The following KMT2D variants were observed in gnomAD, a reference collection of about 807,000 sequenced individuals.
KMT2D encodes the protein lysine methyltransferase 2D.
KMT2D carries 55 observed loss-of-function variants against 512.7 expected under a neutral mutation model. That is an observed-to-expected ratio of 0.11 (90% CI 0.09 to 0.13). The LOEUF (loss-of-function observed/expected upper bound fraction) is 0.13, where lower values mean the gene tolerates loss of function less well. Ranked by LOEUF, KMT2D falls within the 10% of genes least tolerant of loss-of-function variation. The pLI is 1.00. For missense variants in KMT2D, 6,061 were observed against 7,127.9 expected (o/e 0.85, Z 5.39); for synonymous variants, 2,995 against 2,904.0 (o/e 1.03, Z -1.01).
rs2120660268 is a variant in KMT2D at position 49,050,941 on chromosome 12, C to A, written c.2742G>T (p.Glu914Asp). 1 of 1,542,282 alleles carries A rather than the reference C, an allele frequency of 6.5e-7. No individual in the cohort carries two copies. The highest frequency in any genetic ancestry group is 8.7e-7 in the Non-Finnish European group (1 of 1,144,548). Residue 914 changes from glutamate to aspartate, a missense_variant, in exon 11 of 55, where the codon GAG (glutamate) becomes GAT (aspartate). Coordinates refer to ENST00000301067, the MANE Select transcript of KMT2D (RefSeq NM_003482.4). ...GCTCCCCAGATGGGGACAACGGCAGCTCCTCGGGCAGAGGGGACAGAGGTG... is the reference window on the plus strand; with the variant it reads ...GCTCCCCAGATGGGGACAACGGCAGATCCTCGGGCAGAGGGGACAGAGGTG... ...GEPPLSPLPEELPLSPSGEPS... is the reference protein window; with the variant it reads ...GEPPLSPLPEDLPLSPSGEPS...
rs1270732675 is a variant in KMT2D at position 49,051,375 on chromosome 12, G to A, written c.2308C>T (p.Leu770=). The A allele has an allele frequency of 6.2e-7, 1 of 1,608,236 alleles. No homozygotes were observed. Among genetic ancestry groups the A allele is most frequent in the Non-Finnish European group, 8.5e-7 (1 of 1,178,262 alleles). Residue 770 remains leucine (L), a synonymous_variant, in exon 11 of 55, where the codon CTG becomes TTG. Transcript: ENST00000301067. ...CATGGCTCCTCAGGCTGGGGGGACA[G>A]GTGTGGCTCCTCAGCCTGCGGAGAT... ...HLSPQAEEPH[L]SPQPEEPCLC...
rs575126048 is a variant in KMT2D at position 49,030,315 on chromosome 12, G to A, written c.13964C>T (p.Ala4655Val). 1.7e-5 allele frequency: 27 copies of A among 1,603,444 alleles called. No homozygotes were observed. In the South Asian group the frequency reaches 2.9e-4, roughly 17 times the overall value. ...CCTTTCACTATCCCGGGCAGAGGCA[G>A]CATCCTTGGGGTGCTCCCCCAGCTC... Reference protein sequence around the residue: ...SEELGEHPKDAASARDSERAL... With the variant: ...SEELGEHPKDVASARDSERAL... Residue 4655 changes from alanine (A) to valine (V), a missense_variant, in exon 43 of 55, where the codon GCT becomes GTT. By Grantham distance (64) the Ala-to-Val change is moderately conservative. Coordinates refer to ENST00000301067, the MANE Select transcript of KMT2D (RefSeq NM_003482.4).
intron 7 of KMT2D, 62 bp downstream of exon 7, chr12:49,053,414 C>T (rs2120695766): frequency 1.9e-6 from 3 of 1,608,962 alleles, no homozygotes; most frequent in Non-Finnish European, 2.6e-6. Flanking sequence ...CTCCGACTGC[C>T]CTCATTTTCA....
rs370628102 is a variant in KMT2D at position 49,029,026 on chromosome 12, A to G, written c.14251+35T>C. On this transcript the variant is annotated intron_variant, in intron 45 of 54. Coordinates refer to ENST00000301067, the MANE Select transcript of KMT2D (RefSeq NM_003482.4). ...CCCCCAGCTTCGGACAACCCAGGTGAACTGGGCCTGGCCCACATCCAGAGT... is the reference window on the plus strand; with the variant it reads ...CCCCCAGCTTCGGACAACCCAGGTGGACTGGGCCTGGCCCACATCCAGAGT... The G allele has an allele frequency of 3.1e-4, 498 of 1,605,462 alleles. 1 individual carries two copies. The highest frequency in any genetic ancestry group is 2.1e-4 in the Non-Finnish European group (242 of 1,174,964).
rs377128722 is a variant in KMT2D, at chr12:49,031,812, G to A, written c.12893C>T (p.Thr4298Ile). The A allele has an allele frequency of 7.6e-6, 12 of 1,580,466 alleles. No homozygotes were observed. The African/African-American group carries it at 8.1e-5, about 11-fold the overall frequency. Residue 4298 changes from threonine to isoleucine, a missense_variant, in exon 40 of 55, where the codon ACA becomes ATA. Thr to Ile is a moderately conservative substitution (Grantham distance 89, BLOSUM62 -1). Transcript: ENST00000301067. ...ATGGACAGGGCCAAGGACTGGTCCT[G>A]TAGATAAGGCTCCTGGTGGGGCAGG... is the stretch of plus-strand genomic sequence containing the variant. ...RLPAPPGALS[T>I]GPVLGPVHPT...
Position 49,042,227 on chromosome 12 carries a change from C to T in KMT2D, c.5971G>A (p.Gly1991Ser). The T allele has an allele frequency of 1.3e-6, 2 of 1,596,622 alleles. No individual in the cohort carries two copies. Among genetic ancestry groups the T allele is most frequent in the East Asian group, 4.5e-5 (2 of 44,066 alleles). Residue 1991 changes from glycine (G) to serine (S), a missense_variant, in exon 29 of 55, where the codon GGT becomes AGT. Coordinates refer to ENST00000301067, the MANE Select transcript of KMT2D (RefSeq NM_003482.4). The surrounding 1 kb of genome is among the most constrained non-coding windows in gnomAD (Gnocchi z 4.4). Reference sequence around the variant, plus strand: ...TTATAGGAGAGTCCGTCGCCCTCACCCTCCGTGGTGGGGGTTGTGGGGGTG... The same window carrying T: ...TTATAGGAGAGTCCGTCGCCCTCACTCTCCGTGGTGGGGGTTGTGGGGGTG... ...PSTPTTPTTE[G>S]EGDGLSYNQR...
In KMT2D at chr12:49,045,537, A is replaced by G. The variant is rs560933729; in HGVS notation, c.4741+383T>C. ...CGGGCACCTGTAGTCCCAGCTACTC[A>G]GGAGGCTGAGGCAGGAGAATGGCGT... On this transcript the variant is annotated intron_variant, in intron 19 of 54. Coordinates refer to ENST00000301067, the MANE Select transcript of KMT2D (RefSeq NM_003482.4). 4.6e-5 allele frequency among the ~76,000 whole-genome samples: 7 copies of G among 151,636 alleles called. No homozygotes were observed. In the South Asian group the frequency reaches 1.5e-3, roughly 32 times the overall value.
In KMT2D at chr12:49,044,992, C is replaced by A. The variant is rs2120590792; in HGVS notation, c.4742-27G>T. The A allele has an allele frequency of 6.3e-6, 10 of 1,592,764 alleles. No homozygotes were observed. Among genetic ancestry groups the A allele is most frequent in the South Asian group, 1.1e-5 (1 of 90,668 alleles). ...TGCATAAGAGGAAAGAGTATGTGAT[C>A]CCTGGATGGAAGCCCCAGGGAAACC... On this transcript the variant is annotated intron_variant, in intron 19 of 54. Coordinates refer to ENST00000301067, the MANE Select transcript of KMT2D (RefSeq NM_003482.4). This position sits in a 1 kb window ranked among gnomAD's most constrained non-coding sequence, Gnocchi z 6.4.
At position 49,032,447 on chromosome 12, in the gene KMT2D, G is replaced by GGGCTGA; in HGVS notation, c.12252_12257dup (p.Gln4085_Pro4086dup). The GGGCTGA allele has an allele frequency of 6.4e-7, 1 of 1,572,418 alleles. No individual in the cohort carries two copies. The highest frequency in any genetic ancestry group is 8.6e-7 in the Non-Finnish European group (1 of 1,158,634). On this transcript the variant is annotated inframe_insertion, in exon 40 of 55. Transcript: ENST00000301067. ...GAGGTGGCTGCAGCTGCAGAGAGCT[G>GGGCTGA]GGCTGAGGCTGGGGCTGGGGTTGGA... is the stretch of plus-strand genomic sequence containing the variant.
Position 49,039,431 on chromosome 12 carries a change from C to A in KMT2D, c.8229+4G>T. The A allele has an allele frequency of 6.3e-7, 1 of 1,599,654 alleles. No homozygotes were observed. The highest frequency in any genetic ancestry group is 8.5e-7 in the Non-Finnish European group (1 of 1,171,742). On this transcript the variant is annotated splice_donor_region_variant and intron_variant, in intron 33 of 54. Transcript: ENST00000301067. The surrounding 1 kb of genome is among the most constrained non-coding windows in gnomAD (Gnocchi z 5.0). ...GCCCCACTATCCCTTGCCACTCTAC[C>A]TACCTGTGTCCCAGCAAAGGGGGTC...
At position 49,031,871 on chromosome 12, in the gene KMT2D, C is replaced by G. The variant is rs1209208972; in HGVS notation, c.12834G>C (p.Gly4278=). ...GPQTGPLQEL[G]AGPRPQGPPR... ...GTGGGCCCTGAGGTCGAGGCCCTGC[C>G]CCTAGCTCCTGGAGGGGGCCTGTCT... Residue 4278 remains glycine (G), a synonymous_variant, in exon 40 of 55, where the codon GGG becomes GGC. Transcript: ENST00000301067. 2.6e-6 allele frequency: 4 copies of G among 1,535,420 alleles called. No individual in the cohort carries two copies. The highest frequency in any genetic ancestry group is 4.2e-5 in the Admixed American group (2 of 47,880).
In KMT2D at chr12:49,044,971, TA is replaced by T; in HGVS notation, c.4742-7del. 1 of 1,611,546 alleles carries T rather than the reference TA, an allele frequency of 6.2e-7. No homozygotes were observed. ...GAAGCGAAAGTACTGGGGCTCTGCA[TA>T]AGAGGAAAGAGTATGTGATCCCTGG... On this transcript the variant is annotated splice_region_variant and splice_polypyrimidine_tract_variant and intron_variant, in intron 19 of 54. Transcript: ENST00000301067. This position sits in a 1 kb window ranked among gnomAD's most constrained non-coding sequence, Gnocchi z 6.4.
rs1942748034 is a variant in KMT2D at position 49,028,962 on chromosome 12, A to G, written c.14252-4T>C. 1 of 1,613,574 alleles carries G rather than the reference A, an allele frequency of 6.2e-7. No individual in the cohort carries two copies. Among genetic ancestry groups the G allele is most frequent in the Non-Finnish European group, 8.5e-7 (1 of 1,179,678 alleles). On this transcript the variant is annotated splice_polypyrimidine_tract_variant and splice_region_variant and intron_variant, in intron 45 of 54. Transcript: ENST00000301067. ...TAAGGTTTGGTATCTGGGAAGACTGAATGAGAAAGAGGAATTTGTGTAACA... is the reference window on the plus strand; with the variant it reads ...TAAGGTTTGGTATCTGGGAAGACTGGATGAGAAAGAGGAATTTGTGTAACA...
In KMT2D at chr12:49,022,071, G is replaced by C. The variant is rs2137703609; in HGVS notation, c.16493C>G (p.Ser5498Cys). ...CTCTCCTTTGGGGATTCGCCGGCTGGAGATGATGATGATTTTGTCCTCTTT... is the reference window on the plus strand; with the variant it reads ...CTCTCCTTTGGGGATTCGCCGGCTGCAGATGATGATGATTTTGTCCTCTTT... ...FDKEDKIIII[S>C]SRRIPKGEEL... is the part of the protein sequence containing the mutation. The change falls in exon 54 of 55, where the codon TCC becomes TGC. Residue 5498 changes from serine (S) to cysteine (C), a missense_variant. By Grantham distance (112) the Ser-to-Cys change is moderately radical. Around this residue, in one of 16 missense-constraint regions of KMT2D, gnomAD observed 44 missense variants for 194.7 expected, o/e 0.23. Coordinates refer to ENST00000301067, the MANE Select transcript of KMT2D (RefSeq NM_003482.4). This position sits in a 1 kb window ranked among gnomAD's most constrained non-coding sequence, Gnocchi z 8.6. 1.2e-6 allele frequency: 2 copies of C among 1,613,992 alleles called. No homozygotes were observed. The highest frequency in any genetic ancestry group is 1.7e-6 in the Non-Finnish European group (2 of 1,179,862).
Position 49,050,473 on chromosome 12 carries a change from G to A in KMT2D, c.3115C>T (p.Pro1039Ser), listed in dbSNP as rs542933613. Residue 1039 changes from proline (P) to serine (S), a missense_variant, in exon 12 of 55, where the codon CCT becomes TCT. Physicochemically the swap from Pro to Ser is moderately conservative, Grantham distance 74 (BLOSUM62 -1). This residue lies in a region of KMT2D where 447 missense variants were observed against 500.1 expected (regional missense o/e 0.89). Transcript: ENST00000301067. ...AGGGCAGGAGGAGAGCACTGGGAAG[G>A]AGGGGAGTTTTGGGGAACCAGGGAA... ...QHSLVPQNSP[P>S]SQCSPPALPL... 37 of 1,613,752 alleles carry A rather than the reference G, an allele frequency of 2.3e-5. 1 individual carries two copies. In the South Asian group the frequency reaches 3.4e-4, roughly 15 times the overall value.
Position 49,032,172 on chromosome 12 carries a change from A to G in KMT2D, c.12533T>C (p.Val4178Ala), listed in dbSNP as rs763937727. ...AGGCAGACCCTGCCCAGACTGGAGG[A>G]CAGGTCCTGGTTTGGGAGGTTGTGG... ...TGPQPPKPGP[V>A]LQSGQGLPGV... The change falls in exon 40 of 55, where the codon GTC becomes GCC. Residue 4178 changes from valine (V) to alanine (A), a missense_variant. By Grantham distance (64) the Val-to-Ala change is moderately conservative (BLOSUM62 0). This residue lies in a region of KMT2D where 1,600 missense variants were observed against 1,754.9 expected (regional missense o/e 0.91). Transcript: ENST00000301067. The G allele has an allele frequency of 6.2e-7, 1 of 1,612,912 alleles. No homozygotes were observed. The highest frequency in any genetic ancestry group is 1.1e-5 in the South Asian group (1 of 91,048).
chr12:49,033,002 C>G lies in KMT2D; in HGVS notation c.11703G>C (p.Gln3901His), dbSNP rs1355590369. Residue 3901 changes from glutamine to histidine, a missense_variant, in exon 40 of 55, where the codon CAG becomes CAC. Transcript: ENST00000301067. ...GTTGCTGTTGCAGCTGCTGCTGCTG[C>G]TGAAGCTGCTGTAAAGAGCCCATGG... is the stretch of plus-strand genomic sequence containing the variant. Reference protein sequence around the residue: ...AQPMGSLQQLQQQQQLQQQQQ... With the variant: ...AQPMGSLQQLHQQQQLQQQQQ... 3 of 1,551,406 alleles carry G rather than the reference C, an allele frequency of 1.9e-6. No homozygotes were observed. The highest frequency in any genetic ancestry group is 2.6e-6 in the Non-Finnish European group (3 of 1,146,956).
rs962509441 is a variant in KMT2D, at chr12:49,032,531, C to T, written c.12174G>A (p.Met4058Ile). ...PLAIGTTPES[M>I]ATEPGEVKPS... ...GCTTTACCTCTCCTGGTTCAGTGGC[C>T]ATTGACTCAGGGGTAGTTCCTATTG... Residue 4058 changes from methionine (M) to isoleucine (I), a missense_variant, in exon 40 of 55, where the codon ATG becomes ATA. Met to Ile is a conservative substitution (Grantham distance 10). Coordinates refer to ENST00000301067, the MANE Select transcript of KMT2D (RefSeq NM_003482.4). 5 of 1,601,190 alleles carry T rather than the reference C, an allele frequency of 3.1e-6. No individual in the cohort carries two copies. In the African/African-American group the frequency reaches 5.4e-5, roughly 17 times the overall value.
intron 43 of KMT2D, among the ~76,000 whole-genome samples, chr12:49,029,947 G>GT (rs1339509660): frequency 6.6e-6 from 1 of 152,220 alleles, no homozygotes; most frequent in Non-Finnish European, 1.5e-5. Flanking sequence ...CTTGGATACA[G>GT]TAACACAGTT....
Sources: gnomAD v4.1 joint callset for allele counts (sites outside exome capture counted in the v4.1 genomes callset) on GRCh38, gnomAD v4.1.1 for gene constraint, gnomAD v4.1.1 regional missense constraint, Gnocchi (gnomAD v3.1) non-coding constraint, MANE v1.5 for transcripts, NCBI Gene and HGNC (gene_info 2026-07-23, HGNC 2026-07-21) for gene names.